Variants in GPR176 observed in about 807,000 individuals in gnomAD.
GPR176 encodes G protein-coupled receptor 176.
A neutral mutation model predicts 35.4 loss-of-function variants in GPR176; 26 were observed. That is an observed-to-expected ratio of 0.74 (90% CI 0.54 to 1.02). The LOEUF is 1.02. Among genes scored for constraint, GPR176 ranks in the 50% least tolerant of loss-of-function variants. The pLI is 0.00. For missense variants in GPR176, 597 were observed against 665.3 expected (o/e 0.90, Z 1.13); for synonymous variants, 278 against 271.3 (o/e 1.02, Z -0.24).
chr15:39,895,143 A>G (rs904397704), intron 1 of GPR176, among the ~76,000 whole-genome samples: 19 of 152,084 alleles, frequency 1.2e-4, no homozygotes, highest in Admixed American at 3.3e-4. Flanking sequence ...TCAGGCAGGG[A>G]GGTTGCAGTG....
At chr15:39,900,667 C>T (rs1321978434) in intron 1 of GPR176, among the ~76,000 whole-genome samples, 1 of 152,130 alleles carries the variant, frequency 6.6e-6, no homozygotes, top group East Asian at 1.9e-4. Context: ...TCTTTTGTGC[C>T]CAGCTGAAAA....
At chr15:39,873,081 A>G (rs370600922) in intron 1 of GPR176, among the ~76,000 whole-genome samples, 1 of 152,318 alleles carries the variant, frequency 6.6e-6, no homozygotes, top group East Asian at 1.9e-4. Context: ...TGAAGAGTCC[A>G]TTCGAAAAAT....
chr15:39,850,993 G>A (rs1279197552), intron 1 of GPR176, among the ~76,000 whole-genome samples: 1 of 152,132 alleles, frequency 6.6e-6, no homozygotes, highest in Non-Finnish European at 1.5e-5. Context: ...GGGACATATA[G>A]TGAGGCAGAA....
intron 1 of GPR176, among the ~76,000 whole-genome samples, chr15:39,853,567 A>G (rs1423191536): frequency 1.3e-5 from 2 of 152,224 alleles, no homozygotes; most frequent in Non-Finnish European, 1.5e-5. Context: ...ATATTTTAAC[A>G]TAATTTTTTA....
chr15:39,898,068 C>A lies in GPR176; in HGVS notation c.172+21787G>T, dbSNP rs993357912. Among the ~76,000 whole-genome samples the A allele has an allele frequency of 7.2e-5, 11 of 152,244 alleles. No homozygotes were observed. In the East Asian group the frequency reaches 1.9e-3, roughly 27 times the overall value. On this transcript the variant is annotated intron_variant, in intron 1 of 2. Transcript: ENST00000561100. ...TACCATTCATCACTGTCTCTGGGGA[C>A]CATATTAGTGAAAACATTCTCATCT...
At chr15:39,901,587 A>C (rs150373237) in intron 1 of GPR176, among the ~76,000 whole-genome samples, 29 of 152,336 alleles carry the variant, frequency 1.9e-4, no homozygotes, top group African/African-American at 7.0e-4. Context: ...ACAACAAAAA[A>C]GTCTTCTAAT....
At chr15:39,859,915 G>A (rs535420386) in intron 1 of GPR176, among the ~76,000 whole-genome samples, 1 of 151,276 alleles carries the variant, frequency 6.6e-6, no homozygotes, top group Admixed American at 6.6e-5. Context: ...TAACACTACT[G>A]AACTACATAC....
intron 1 of GPR176, among the ~76,000 whole-genome samples, chr15:39,900,084 C>T (rs1000558346): frequency 1.3e-5 from 2 of 151,442 alleles, no homozygotes; most frequent in African/African-American, 4.8e-5. Flanking sequence ...CAAGTTGATA[C>T]AAAAAATTAA....
intron 1 of GPR176, among the ~76,000 whole-genome samples, chr15:39,900,698 C>T (rs2033252035): frequency 6.6e-6 from 1 of 152,146 alleles, no homozygotes. Context: ...CCCACCATTC[C>T]AGAAGAAGGC....
At chr15:39,915,586 A>G (rs2033705888) in intron 1 of GPR176, among the ~76,000 whole-genome samples, 1 of 152,210 alleles carries the variant, frequency 6.6e-6, no homozygotes, top group South Asian at 2.1e-4. Context: ...AAAAAATGTT[A>G]AAAATCAGCT....
chr15:39,813,892 G>A (rs1413960264), intron 1 of GPR176, among the ~76,000 whole-genome samples: 1 of 151,956 alleles, frequency 6.6e-6, no homozygotes, highest in Admixed American at 6.6e-5. Flanking sequence ...ATTTACTGAG[G>A]ATAAATTACT....
chr15:39,864,055 A>G (rs935242312), intron 1 of GPR176, among the ~76,000 whole-genome samples: 3 of 152,196 alleles, frequency 2.0e-5, no homozygotes, highest in African/African-American at 7.2e-5. Flanking sequence ...TCAGAAAATA[A>G]ACAGGTATAC....
At chr15:39,856,467 C>T (rs1182553029) in intron 1 of GPR176, among the ~76,000 whole-genome samples, 1 of 152,218 alleles carries the variant, frequency 6.6e-6, no homozygotes, top group Non-Finnish European at 1.5e-5. Flanking sequence ...TCTGGCTCAG[C>T]GTCTCTCAGG....
intron 1 of GPR176, among the ~76,000 whole-genome samples, chr15:39,847,773 G>A (rs961823248): frequency 6.9e-6 from 1 of 145,856 alleles, no homozygotes; most frequent in Non-Finnish European, 1.5e-5. Flanking sequence ...AAGAAGTCAT[G>A]GTTATCTTAA....
intron 1 of GPR176, among the ~76,000 whole-genome samples, chr15:39,856,342 G>T (rs1432230847): frequency 2.6e-5 from 4 of 152,068 alleles, no homozygotes; most frequent in Non-Finnish European, 5.9e-5. Flanking sequence ...ATAATCTTTA[G>T]ACAGTATATT....
chr15:39,813,545 T>G (rs2140797340), intron 1 of GPR176: 1 of 152,372 alleles, frequency 6.6e-6, no homozygotes, highest in African/African-American at 2.4e-5. Flanking sequence ...TTTGCTTCTC[T>G]GCGTATAATG....
At chr15:39,876,467 T>C (rs569840825) in intron 1 of GPR176, among the ~76,000 whole-genome samples, 52 of 152,216 alleles carry the variant, frequency 3.4e-4, no homozygotes, top group African/African-American at 1.2e-3. Context: ...AAGATCAGTA[T>C]GAGCTGCAAT....
At position 39,895,102 on chromosome 15, in the gene GPR176, C is replaced by T. The variant is rs575505180; in HGVS notation, c.172+24753G>A. 8.5e-5 allele frequency among the ~76,000 whole-genome samples: 13 copies of T among 152,310 alleles called. No homozygotes were observed. The East Asian group carries it at 2.5e-3, about 29-fold the overall frequency. ...AGGCGTGGCGGCGCCAGCCTGCAAT[C>T]GCAGGTACTCGGCAGGCTGAGTCAG... On this transcript the variant is annotated intron_variant, in intron 1 of 2. Transcript: ENST00000561100.
intron 1 of GPR176, among the ~76,000 whole-genome samples, chr15:39,861,581 G>A (rs1456703070): frequency 6.6e-6 from 1 of 151,840 alleles, no homozygotes; most frequent in Non-Finnish European, 1.5e-5. Context: ...TAGTGTTGAT[G>A]TGTCTAAGAA....
Sources: gnomAD v4.1 joint callset for allele counts (sites outside exome capture counted in the v4.1 genomes callset) on GRCh38, gnomAD v4.1.1 for gene constraint, MANE v1.5 for transcripts, NCBI Gene and HGNC (gene_info 2026-07-23, HGNC 2026-07-21) for gene names.